Variants in MAST4 observed in about 807,000 individuals in gnomAD.
The protein encoded by MAST4 is microtubule associated serine/threonine kinase family member 4, also known as microtubule-associated serine/threonine-protein kinase 4.
Under a neutral mutation model 162.7 loss-of-function variants are expected in MAST4, and 89 were observed. The observed-to-expected ratio is 0.55, with a 90% CI of 0.46 to 0.65. MAST4 has a LOEUF of 0.65. MAST4 is among the 30% of genes least tolerant of loss of function. The pLI is 0.00. For missense variants in MAST4, 3,153 were observed against 3,374.0 expected (o/e 0.93, Z 1.62); for synonymous variants, 1,479 against 1,361.1 (o/e 1.09, Z -1.91).
At chr5:67,069,881 A>AGTGTGT (rs200867949) in intron 5 of MAST4, among the ~76,000 whole-genome samples, 15,853 of 142,580 alleles carry the variant, frequency 0.11, 936 homozygotes, top group South Asian at 0.16. Flanking sequence ...TTTGAGAGAA[A>AGTGTGT]GTGTGTGTGT....
chr5:66,740,552 C>T (rs914303147), intron 1 of MAST4, among the ~76,000 whole-genome samples: 1 of 152,190 alleles, frequency 6.6e-6, no homozygotes, highest in Non-Finnish European at 1.5e-5. Flanking sequence ...TTCCGTTTCT[C>T]CTTTCTTCTC....
intron 2 of MAST4, among the ~76,000 whole-genome samples, chr5:66,763,134 C>T (rs1307828612): frequency 3.3e-5 from 5 of 152,254 alleles, no homozygotes; most frequent in Admixed American, 6.5e-5. Context: ...CAACAGAAGG[C>T]GAGGATTTGA....
chr5:66,852,045 T>C (rs1561382588), intron 3 of MAST4, among the ~76,000 whole-genome samples: 2 of 152,202 alleles, frequency 1.3e-5, no homozygotes, highest in South Asian at 4.1e-4. Flanking sequence ...AAATATATAA[T>C]AATCTACCAT....
chr5:66,963,788 G>A (rs1194702369), intron 4 of MAST4: 1 of 779,762 alleles, frequency 1.3e-6, no homozygotes, highest in Non-Finnish European at 2.4e-6. Context: ...ACTTTTGGAG[G>A]TAAGCATGCT....
intron 3 of MAST4, among the ~76,000 whole-genome samples, chr5:66,831,550 G>T (rs1391988214): frequency 1.3e-5 from 2 of 152,088 alleles, no homozygotes; most frequent in Non-Finnish European, 2.9e-5. Context: ...GACTATTAGT[G>T]GTGTTTTTAA....
chr5:67,037,284 G>A (rs936627123), intron 4 of MAST4, among the ~76,000 whole-genome samples: 4 of 152,130 alleles, frequency 2.6e-5, no homozygotes, highest in African/African-American at 9.7e-5. Context: ...GGTGATTGTT[G>A]AGGGTTCCAG....
intron 27 of MAST4, 86 bp downstream of exon 27, chr5:67,160,678 G>T (rs1773091234): frequency 2.1e-6 from 3 of 1,420,430 alleles, no homozygotes; most frequent in Non-Finnish European, 2.9e-6. Flanking sequence ...TATATATGAA[G>T]AAGATCTATT....
At chr5:66,603,740 G>T (rs1269585954) in intron 1 of MAST4, among the ~76,000 whole-genome samples, 1 of 152,162 alleles carries the variant, frequency 6.6e-6, no homozygotes, top group East Asian at 1.9e-4. Context: ...TAGCCCTTTT[G>T]ATATAACTCA....
intron 1 of MAST4, among the ~76,000 whole-genome samples, chr5:66,756,778 A>C (rs1753566679): frequency 6.6e-6 from 1 of 152,224 alleles, no homozygotes; most frequent in South Asian, 2.1e-4. Context: ...TGATCTATTT[A>C]GAGAGAGCCT....
At chr5:66,799,499 C>T (rs1282208986) in intron 3 of MAST4, among the ~76,000 whole-genome samples, 1 of 152,114 alleles carries the variant, frequency 6.6e-6, no homozygotes, top group African/African-American at 2.4e-5. Flanking sequence ...AGGATATTTC[C>T]TTGGGTGGGT....
intron 1 of MAST4, among the ~76,000 whole-genome samples, chr5:66,624,376 A>G (rs944195717): frequency 1.2e-4 from 18 of 151,860 alleles, no homozygotes; most frequent in African/African-American, 3.9e-4. Context: ...GATGGTCTCA[A>G]TCTCCTGACC....
At chr5:67,095,000 C>T (rs1018430061) in intron 6 of MAST4, among the ~76,000 whole-genome samples, 9 of 152,138 alleles carry the variant, frequency 5.9e-5, no homozygotes, top group East Asian at 1.9e-4. Context: ...AGGTCATGTC[C>T]GAAGGCAGTA....
At chr5:66,780,215 C>T (rs959137297) in intron 2 of MAST4, among the ~76,000 whole-genome samples, 5 of 152,108 alleles carry the variant, frequency 3.3e-5, no homozygotes, top group African/African-American at 9.7e-5. Flanking sequence ...AACAGGAACT[C>T]CCCATTCCCC....
chr5:66,900,724 A>G (rs1762957481), intron 4 of MAST4, among the ~76,000 whole-genome samples: 1 of 152,092 alleles, frequency 6.6e-6, no homozygotes, highest in African/African-American at 2.4e-5. Flanking sequence ...CCTTTAAAAA[A>G]AAATAGTATT....
chr5:66,959,132 G>C (rs1215154215), intron 4 of MAST4: 5 of 723,746 alleles, frequency 6.9e-6, no homozygotes, highest in Non-Finnish European at 1.3e-5. Flanking sequence ...CCTCCCCCTC[G>C]AGAGAGTGTT....
chr5:67,127,738 T>C (rs987625608), intron 14 of MAST4, among the ~76,000 whole-genome samples: 2 of 152,212 alleles, frequency 1.3e-5, no homozygotes, highest in Non-Finnish European at 2.9e-5. Flanking sequence ...GGATTCTTGA[T>C]AGTATCTCAT....
chr5:66,762,616 T>C (rs148764498), intron 2 of MAST4, among the ~76,000 whole-genome samples: 1 of 152,356 alleles, frequency 6.6e-6, no homozygotes, highest in Non-Finnish European at 1.5e-5. Context: ...TGTTTTCCAC[T>C]AGTTTTAGGT....
chr5:66,837,888 ATATATATTTT>A (rs1354357007), intron 3 of MAST4, among the ~76,000 whole-genome samples: 1,128 of 34,220 alleles, frequency 0.033, 3 homozygotes, highest in Middle Eastern at 0.048. Flanking sequence ...ATATATATAT[ATATATATTTT>A]TTTTTTTTTT....
At chr5:66,732,974 C>T (rs1008680375) in intron 1 of MAST4, among the ~76,000 whole-genome samples, 1 of 152,104 alleles carries the variant, frequency 6.6e-6, no homozygotes, top group Non-Finnish European at 1.5e-5. Flanking sequence ...TCTGCCTGCA[C>T]CCCACTCCTC....
Sources: gnomAD v4.1 joint callset for allele counts (sites outside exome capture counted in the v4.1 genomes callset) on GRCh38, gnomAD v4.1.1 for gene constraint, MANE v1.5 for transcripts, NCBI Gene and HGNC (gene_info 2026-07-23, HGNC 2026-07-21) for gene names.